Variants in CMC2 observed in about 807,000 individuals in gnomAD.
CMC2 encodes COX assembly mitochondrial protein 2 homolog.
Under a neutral mutation model 7.5 loss-of-function variants are expected in CMC2, and 5 were observed. The ratio of observed to expected loss-of-function variants is 0.66; its 90% confidence interval spans 0.35 to 1.40. The LOEUF (loss-of-function observed/expected upper bound fraction) is 1.40, where lower values mean the gene tolerates loss of function less well. Ranked by LOEUF, CMC2 falls within the 40% of genes most tolerant of loss-of-function variation. The pLI is 0.04. For synonymous variants in CMC2, 37 were observed against 31.4 expected (o/e 1.18, Z -0.60); for missense variants, 115 against 92.3 (o/e 1.25, Z -1.01).
At chr16:80,985,085 G>C (rs192403098) in intron 2 of CMC2, among the ~76,000 whole-genome samples, 6 of 152,304 alleles carry the variant, frequency 3.9e-5, no homozygotes, top group Non-Finnish European at 8.8e-5. Flanking sequence ...ACACAGAAGT[G>C]AGCAAGGTGG....
chr16:80,998,359 A>G (rs967593385), intron 1 of CMC2: 7 of 23,894 alleles, frequency 2.9e-4, no homozygotes, highest in African/African-American at 4.9e-4. Flanking sequence ...CTACTGCTGA[A>G]AAAAAAACAG....
chr16:81,002,053 C>A (rs999556539), intron 1 of CMC2, among the ~76,000 whole-genome samples: 2 of 152,192 alleles, frequency 1.3e-5, no homozygotes, highest in East Asian at 3.8e-4. Flanking sequence ...TATCCAATAT[C>A]GTACCAATAT....
chr16:80,974,618 CCTT>C lies in CMC2; in HGVS notation c.*1472_*1474del, dbSNP rs1912148693. ...GCTAAATAGCTTTCTTGGAATAGCT[CCTT>C]CTTCATGAAGACTGAACATGAAAGT... On this transcript the variant is annotated 3_prime_UTR_variant, in exon 4 of 4. Coordinates refer to ENST00000219400, the MANE Select transcript of CMC2 (RefSeq NM_020188.5). 6.6e-6 allele frequency: 1 copy of C among 152,204 alleles called. No individual in the cohort carries two copies. The highest frequency in any genetic ancestry group is 2.4e-5 in the African/African-American group (1 of 41,430). 9.4% of individuals were successfully genotyped at this position (152,204 alleles called of 1,614,324 possible). A position where few individuals can be genotyped will look rare whatever the true frequency, so the allele number is the denominator to read the frequency against.
rs1045727656 is a variant in CMC2 at position 80,968,983 on chromosome 16, C to G, written c.*7110G>C. 3.3e-5 allele frequency: 5 copies of G among 152,178 alleles called. No homozygotes were observed. The highest frequency in any genetic ancestry group is 1.2e-4 in the African/African-American group (5 of 41,448). The allele number at this position is 152,178 out of a possible 1,614,324, so 9.4% of individuals were successfully genotyped here. A position where few individuals can be genotyped will look rare whatever the true frequency, so the allele number is the denominator to read the frequency against. On this transcript the variant is annotated 3_prime_UTR_variant, in exon 4 of 4. Coordinates refer to ENST00000219400, the MANE Select transcript of CMC2 (RefSeq NM_020188.5). ...CTCTAAGAAAACATTAACTAGAAAA[C>G]ATAACACTTGCCAGCATAGGGAGGT...
Position 80,977,465 on chromosome 16 carries a change from C to G in CMC2, c.154-1286G>C, listed in dbSNP as rs189871806. Among the ~76,000 whole-genome samples, 3 of 152,228 alleles carry G rather than the reference C, an allele frequency of 2.0e-5. 1 individual carries two copies. Among genetic ancestry groups the G allele is most frequent in the Admixed American group, 2.0e-4 (3 of 15,288 alleles). On this transcript the variant is annotated intron_variant, in intron 3 of 3. Coordinates refer to ENST00000219400, the MANE Select transcript of CMC2 (RefSeq NM_020188.5). Reference sequence around the variant, plus strand: ...GGAAAAGGGTAAAAGTAAATTCAAACAGAAAAAACTGAAAACATGTGAACA... The same window carrying G: ...GGAAAAGGGTAAAAGTAAATTCAAAGAGAAAAAACTGAAAACATGTGAACA...
intron 1 of CMC2, among the ~76,000 whole-genome samples, chr16:81,002,546 C>T (rs972738389): frequency 1.3e-5 from 2 of 152,148 alleles, no homozygotes; most frequent in South Asian, 4.1e-4. Flanking sequence ...CAAATGTGTG[C>T]CTTTACAATT....
chr16:80,981,906 T>A, intron 2 of CMC2, 29 bp from the exon 3 acceptor site: 1 of 1,462,828 alleles, frequency 6.8e-7, no homozygotes, highest in South Asian at 1.2e-5. Flanking sequence ...GTAAAATATT[T>A]CATCCCATAA....
Position 80,990,522 on chromosome 16 carries a change from A to C in CMC2, c.81+6792T>G, listed in dbSNP as rs2549846. ...CCACTCTCTCTGCTTTGCTCCTACC[A>C]ACCTCTCAGAACGTAATCAATCTCA... On this transcript the variant is annotated intron_variant, in intron 2 of 3. Coordinates refer to ENST00000219400, the MANE Select transcript of CMC2 (RefSeq NM_020188.5). 6.1e-3 allele frequency among the ~76,000 whole-genome samples: 926 copies of C among 151,582 alleles called. 13 individuals carry two copies. Among genetic ancestry groups the C allele is most frequent in the African/African-American group, 0.021 (864 of 41,374 alleles).
chr16:80,984,212 G>C (rs554618848), intron 2 of CMC2: 6 of 152,150 alleles, frequency 3.9e-5, no homozygotes, highest in Non-Finnish European at 7.3e-5. Flanking sequence ...AATTTCAGTA[G>C]GAACATAATT....
At position 80,973,996 on chromosome 16, in the gene CMC2, A is replaced by C. The variant is rs1328095304; in HGVS notation, c.*2097T>G. 1.3e-5 allele frequency: 2 copies of C among 152,138 alleles called. No homozygotes were observed. The highest frequency in any genetic ancestry group is 2.9e-5 in the Non-Finnish European group (2 of 68,036). 9.4% of individuals were successfully genotyped at this position (152,138 alleles called of 1,614,324 possible). ...GGCCTTAGCTGGCATCTGCATGCTG[A>C]CATCTCCCAATTTTGTTCTAATCCA... On this transcript the variant is annotated 3_prime_UTR_variant, in exon 4 of 4. Coordinates refer to ENST00000219400, the MANE Select transcript of CMC2 (RefSeq NM_020188.5).
chr16:80,979,828 G>C (rs181928660), intron 3 of CMC2, among the ~76,000 whole-genome samples: 277 of 151,588 alleles, frequency 1.8e-3, no homozygotes, highest in Non-Finnish European at 3.5e-3. Context: ...CACCATGTTG[G>C]CTAGGCTGGT....
At chr16:81,001,088 G>A (rs1230314704) in intron 1 of CMC2, among the ~76,000 whole-genome samples, 2 of 152,242 alleles carry the variant, frequency 1.3e-5, no homozygotes, top group Admixed American at 6.5e-5. Flanking sequence ...GTGAATTAAC[G>A]CAGCAACAGA....
intron 3 of CMC2, 119 bp from the exon 4 acceptor site, chr16:80,976,298 A>C: frequency 1.7e-6 from 1 of 594,028 alleles, no homozygotes; most frequent in Non-Finnish European, 2.9e-6. Context: ...ACAGGGTTTA[A>C]ATTTTTTAAA....
intron 1 of CMC2, among the ~76,000 whole-genome samples, chr16:81,002,317 T>C (rs1055896136): frequency 2.6e-5 from 4 of 151,944 alleles, no homozygotes; most frequent in Non-Finnish European, 5.9e-5. Flanking sequence ...TCCCAGCTAC[T>C]TGGGAGGCCG....
chr16:80,989,867 G>A (rs1297431057), intron 2 of CMC2, among the ~76,000 whole-genome samples: 1 of 152,060 alleles, frequency 6.6e-6, no homozygotes, highest in Non-Finnish European at 1.5e-5. Context: ...GCTCAGTCTT[G>A]GAATACACAG....
intron 3 of CMC2, 59 bp from the exon 4 acceptor site, chr16:80,976,238 C>A: frequency 1.1e-6 from 1 of 904,654 alleles, no homozygotes; most frequent in East Asian, 2.6e-5. Context: ...CTATTTATAG[C>A]AGTTTACTAT....
intron 3 of CMC2, chr16:80,978,270 A>G: frequency 8.9e-7 from 1 of 1,124,000 alleles, no homozygotes; most frequent in Non-Finnish European, 1.1e-6. Context: ...GATTGCCCCC[A>G]GCAATCAGGT....
At chr16:80,978,462 CTCAA>C (rs777876960) in intron 3 of CMC2, 59 of 997,464 alleles carry the variant, frequency 5.9e-5, no homozygotes, top group Non-Finnish European at 7.6e-5. Flanking sequence ...ACTCACAAAA[CTCAA>C]TCAAACAATA....
rs1912048541 is a variant in CMC2, at chr16:80,973,166, C to T, written c.*2927G>A. ...CAGCCACCCCTGGGACTGGCTTCCT[C>T]TATGGAAAGGCAGGATGTACAGGGA... On this transcript the variant is annotated 3_prime_UTR_variant, in exon 4 of 4. Transcript: ENST00000219400. 1 of 152,302 alleles carries T rather than the reference C, an allele frequency of 6.6e-6. No homozygotes were observed. The highest frequency in any genetic ancestry group is 2.1e-4 in the South Asian group (1 of 4,832). 9.4% of individuals were successfully genotyped at this position (152,302 alleles called of 1,614,324 possible).
Sources: gnomAD v4.1 joint callset for allele counts (sites outside exome capture counted in the v4.1 genomes callset) on GRCh38, gnomAD v4.1.1 for gene constraint, MANE v1.5 for transcripts, NCBI Gene and HGNC (gene_info 2026-07-23, HGNC 2026-07-21) for gene names.